Variants in NLGN4X observed in about 807,000 individuals in gnomAD.
The protein encoded by NLGN4X is neuroligin 4 X-linked.
NLGN4X carries 3 observed loss-of-function variants against 40.3 expected under a neutral mutation model. That is an observed-to-expected ratio of 0.07 (90% confidence interval 0.03 to 0.19). NLGN4X has a LOEUF of 0.19. Ranked by LOEUF, NLGN4X falls within the 10% of genes least tolerant of loss-of-function variation. The probability of loss-of-function intolerance (pLI) is 1.00; values close to 1 mark genes in which losing one functional copy is unlikely to be tolerated. For synonymous variants in NLGN4X, 270 were observed against 306.8 expected (o/e 0.88, Z 1.25); for missense variants, 382 against 708.3 (o/e 0.54, Z 5.23).
At chrX:5,908,047 GGA>G (rs1447386998) in intron 4 of NLGN4X, among the ~76,000 whole-genome samples, 12 of 80,184 alleles carry the variant, frequency 1.5e-4, no homozygotes, top group African/African-American at 4.7e-4. Flanking sequence ...AGTGTGAGGG[GGA>G]GAGAGAGAGG....
At chrX:6,137,857 G>T (rs1468910640) in intron 2 of NLGN4X, among the ~76,000 whole-genome samples, 1 of 112,085 alleles carries the variant, frequency 8.9e-6, no homozygotes, top group African/African-American at 3.2e-5. Flanking sequence ...ATAGACCACT[G>T]CATTTAAAAA....
At chrX:6,087,193 CT>C (rs1454162703) in intron 2 of NLGN4X, among the ~76,000 whole-genome samples, 2 of 111,815 alleles carry the variant, frequency 1.8e-5, no homozygotes, top group Admixed American at 1.9e-4. Context: ...CAAAGCCTCT[CT>C]CTAAGGGCAC....
chrX:6,076,716 A>C (rs1184128128), intron 2 of NLGN4X, among the ~76,000 whole-genome samples: 1 of 112,414 alleles, frequency 8.9e-6, no homozygotes, highest in Non-Finnish European at 1.9e-5. Flanking sequence ...GGAAGAATGT[A>C]TCAGATGAAT....
rs1249674440 is a variant in NLGN4X, at chrX:5,991,662, A to G, written c.625+37618T>C. The G allele has an allele frequency of 1.3e-5, 5 of 377,356 alleles. No homozygotes were observed. The South Asian group carries it at 1.4e-4, about 10-fold the overall frequency. 31.1% of individuals were successfully genotyped at this position (377,356 alleles called of 1,213,427 possible). A position where few individuals can be genotyped will look rare whatever the true frequency, so the allele number is the denominator to read the frequency against. ...TACATCCATCAGTGCTAATAACAGT[A>G]AACAAGTGTGAATGATGCCAACACT... On this transcript the variant is annotated intron_variant, in intron 3 of 5. Transcript: ENST00000381095.
At chrX:6,174,836 A>G (rs2040687077) in intron 1 of NLGN4X, among the ~76,000 whole-genome samples, 1 of 111,351 alleles carries the variant, frequency 9.0e-6, no homozygotes, top group African/African-American at 3.3e-5. Context: ...GGTGGTCACT[A>G]TGCTTACCAC....
chrX:6,148,663 G>A (rs1364391111), intron 2 of NLGN4X, among the ~76,000 whole-genome samples: 1 of 110,099 alleles, frequency 9.1e-6, no homozygotes. Flanking sequence ...TTACAGACAC[G>A]CGCCACCATG....
chrX:5,982,076 A>G (rs1192634675), intron 3 of NLGN4X, among the ~76,000 whole-genome samples: 1 of 112,198 alleles, frequency 8.9e-6, no homozygotes, highest in Non-Finnish European at 1.9e-5. Context: ...TTAATCATGC[A>G]TTTTCAAAGA....
chrX:6,016,780 C>T (rs2036406468), intron 3 of NLGN4X, among the ~76,000 whole-genome samples: 1 of 111,212 alleles, frequency 9.0e-6, no homozygotes, highest in African/African-American at 3.3e-5. Context: ...TGAAATATTA[C>T]CGAACCATAA....
At chrX:6,179,824 A>G (rs1323037427) in intron 1 of NLGN4X, among the ~76,000 whole-genome samples, 1 of 111,911 alleles carries the variant, frequency 8.9e-6, no homozygotes, top group Non-Finnish European at 1.9e-5. Context: ...TTGCAAAAAG[A>G]AGACAGAGAA....
intron 3 of NLGN4X, among the ~76,000 whole-genome samples, chrX:5,949,498 C>T (rs1172094737): frequency 9.0e-6 from 1 of 111,333 alleles, no homozygotes; most frequent in Non-Finnish European, 1.9e-5. Flanking sequence ...CTCAAACTGC[C>T]CCAAATCATA....
At chrX:6,126,685 G>A (rs181661162) in intron 2 of NLGN4X, among the ~76,000 whole-genome samples, 206 of 112,142 alleles carry the variant, frequency 1.8e-3, no homozygotes, top group Non-Finnish European at 3.1e-3. Flanking sequence ...TTACAAATGA[G>A]ATAACATGAG....
At chrX:6,171,555 A>C (rs2040606740) in intron 1 of NLGN4X, among the ~76,000 whole-genome samples, 1 of 112,079 alleles carries the variant, frequency 8.9e-6, no homozygotes, top group African/African-American at 3.2e-5. Flanking sequence ...TTTCCAAGAA[A>C]GGGTGCACAA....
chrX:5,946,259 A>G (rs1378120689), intron 3 of NLGN4X, among the ~76,000 whole-genome samples: 1 of 111,660 alleles, frequency 9.0e-6, no homozygotes, highest in African/African-American at 3.3e-5. Flanking sequence ...ATGTCTCCTG[A>G]AGTAAAAAGC....
intron 1 of NLGN4X, among the ~76,000 whole-genome samples, chrX:6,184,828 T>C (rs1018056797): frequency 5.3e-5 from 6 of 112,358 alleles, no homozygotes; most frequent in African/African-American, 1.9e-4. Flanking sequence ...ACTCAGGAAG[T>C]TGGTGGGCTT....
intron 2 of NLGN4X, among the ~76,000 whole-genome samples, chrX:6,109,187 G>C (rs968293896): frequency 3.6e-5 from 4 of 111,351 alleles, no homozygotes; most frequent in Admixed American, 9.6e-5. Context: ...GGTCGTTTGA[G>C]CCCAGGAGTT....
chrX:6,055,684 CAAGAG>C (rs922614445), intron 2 of NLGN4X, among the ~76,000 whole-genome samples: 6 of 110,942 alleles, frequency 5.4e-5, no homozygotes, highest in African/African-American at 1.6e-4. Flanking sequence ...GCAAATTATG[CAAGAG>C]AAGTGTCATA....
intron 2 of NLGN4X, among the ~76,000 whole-genome samples, chrX:6,044,936 A>G (rs1329186010): frequency 8.9e-6 from 1 of 112,563 alleles, no homozygotes; most frequent in Non-Finnish European, 1.9e-5. Context: ...ATGGAGTAAA[A>G]TAAGATGCAG....
At chrX:5,957,758 A>G (rs1461069407) in intron 3 of NLGN4X, among the ~76,000 whole-genome samples, 2 of 112,012 alleles carry the variant, frequency 1.8e-5, no homozygotes, top group African/African-American at 6.5e-5. Flanking sequence ...AACCACACCA[A>G]GAGCAACAGC....
chrX:6,210,679 C>A (rs142248869), intron 1 of NLGN4X, among the ~76,000 whole-genome samples: 282 of 112,000 alleles, frequency 2.5e-3, no homozygotes, highest in Non-Finnish European at 4.1e-3. Flanking sequence ...TTGACAACTA[C>A]ATTTTCCAAT....
Sources: allele counts gnomAD v4.1 joint callset (sites outside exome capture counted in the v4.1 genomes callset), GRCh38; gene constraint gnomAD v4.1.1; transcripts MANE v1.5; gene names NCBI Gene and HGNC (gene_info 2026-07-23, HGNC 2026-07-21).